The following ADAMTSL1 variants were observed in gnomAD, a reference collection of about 807,000 sequenced individuals.
ADAMTSL1 encodes the protein ADAMTS like 1, also known as ADAMTS-like protein 1.
In ADAMTSL1, 126 loss-of-function variants were observed where a neutral mutation model predicts 201.8. The observed-to-expected ratio is 0.62, with a 90% CI of 0.54 to 0.72. The LOEUF is 0.72. ADAMTSL1 is among the 30% of genes least tolerant of loss of function. The pLI is 0.00. For synonymous variants in ADAMTSL1, 1,121 were observed against 903.4 expected, an observed-to-expected ratio of 1.24 and a Z score of -4.32; for missense variants, 2,679 against 2,277.8, an observed-to-expected ratio of 1.18 and a Z score of -3.59.
At chr9:17,995,308 C>G (rs2131511748) in intron 1 of ADAMTSL1, among the ~76,000 whole-genome samples, 1 of 152,206 alleles carries the variant, frequency 6.6e-6, no homozygotes, top group Non-Finnish European at 1.5e-5. Context: ...AATCATATTT[C>G]TCATGGGGAT....
intron 3 of ADAMTSL1, among the ~76,000 whole-genome samples, chr9:18,550,606 A>G (rs1007464698): frequency 1.3e-5 from 2 of 151,902 alleles, no homozygotes; most frequent in Non-Finnish European, 1.5e-5. Flanking sequence ...TCATCTCCGC[A>G]GCCTCTAAAA....
At chr9:18,213,133 G>C (rs1829937736) in intron 2 of ADAMTSL1, among the ~76,000 whole-genome samples, 1 of 152,134 alleles carries the variant, frequency 6.6e-6, no homozygotes, top group Non-Finnish European at 1.5e-5. Flanking sequence ...TGACTTGAAA[G>C]AAAGAAACTG....
intron 2 of ADAMTSL1, among the ~76,000 whole-genome samples, chr9:18,385,145 A>G (rs17792334): frequency 0.084 from 12,820 of 152,210 alleles, 734 homozygotes; most frequent in Middle Eastern, 0.15. Flanking sequence ...AAATGATGCT[A>G]TTGTGGAGAG....
intron 1 of ADAMTSL1, among the ~76,000 whole-genome samples, chr9:18,114,207 A>G (rs2131891922): frequency 6.6e-6 from 1 of 152,138 alleles, no homozygotes; most frequent in South Asian, 2.1e-4. Context: ...TAGTGACAGC[A>G]CTTTTCATGA....
rs373672023 is a variant in ADAMTSL1 at position 18,228,207 on chromosome 9, G to A, written c.207+64226G>A. On this transcript the variant is annotated intron_variant, in intron 2 of 29. Transcript: ENST00000680146. ...CACTTGCTGTCTGGTGAAAGTGAGA[G>A]GAAAGTCGATCAGCTCTTAAGGCTT... 1.1e-4 allele frequency among the ~76,000 whole-genome samples: 16 copies of A among 152,306 alleles called. No individual in the cohort carries two copies. In the East Asian group the frequency reaches 3.1e-3, roughly 29 times the overall value.
chr9:18,165,710 A>T (rs1827599576), intron 2 of ADAMTSL1, among the ~76,000 whole-genome samples: 1 of 151,968 alleles, frequency 6.6e-6, no homozygotes, highest in Admixed American at 6.6e-5. Context: ...TTTCTCAACT[A>T]CCAGAAGCTA....
At chr9:18,239,858 T>A (rs1830995285) in intron 2 of ADAMTSL1, among the ~76,000 whole-genome samples, 1 of 152,176 alleles carries the variant, frequency 6.6e-6, no homozygotes, top group South Asian at 2.1e-4. Context: ...CAACTCTTTG[T>A]TCATTCAAGT....
chr9:18,171,638 A>G (rs1827894842), intron 2 of ADAMTSL1, among the ~76,000 whole-genome samples: 1 of 152,134 alleles, frequency 6.6e-6, no homozygotes, highest in South Asian at 2.1e-4. Context: ...TTGCCTCTTC[A>G]CTATGATGAT....
chr9:17,974,285 A>G (rs1023892238), intron 1 of ADAMTSL1, among the ~76,000 whole-genome samples: 3 of 152,168 alleles, frequency 2.0e-5, no homozygotes, highest in Admixed American at 1.3e-4. Context: ...GTATTCAATG[A>G]GGAAAAGAGG....
intron 9 of ADAMTSL1, among the ~76,000 whole-genome samples, chr9:18,668,337 A>G (rs1029934893): frequency 3.3e-5 from 5 of 152,300 alleles, no homozygotes; most frequent in South Asian, 4.1e-4. Flanking sequence ...TACCCTTCCC[A>G]TGCTTATAGA....
intron 1 of ADAMTSL1, among the ~76,000 whole-genome samples, chr9:18,125,689 C>T (rs997437197): frequency 1.3e-5 from 2 of 152,166 alleles, no homozygotes; most frequent in African/African-American, 4.8e-5. Context: ...TATTCTTTCC[C>T]CACATTTAAT....
chr9:18,872,308 A>T (rs868074789), intron 23 of ADAMTSL1, among the ~76,000 whole-genome samples: 2 of 152,164 alleles, frequency 1.3e-5, no homozygotes, highest in Middle Eastern at 3.2e-3. Context: ...ACAAGGGAAG[A>T]GGTTGGGATT....
intron 2 of ADAMTSL1, among the ~76,000 whole-genome samples, chr9:18,314,022 G>T (rs192414553): frequency 4.6e-5 from 7 of 152,066 alleles, no homozygotes; most frequent in African/African-American, 1.7e-4. Context: ...ATGGGCAAAG[G>T]ACTTGAATAA....
intron 1 of ADAMTSL1, among the ~76,000 whole-genome samples, chr9:18,002,611 A>G (rs1314061063): frequency 2.0e-5 from 3 of 152,042 alleles, no homozygotes; most frequent in Non-Finnish European, 2.9e-5. Flanking sequence ...AAGCTCTGCC[A>G]TTTATCAGCT....
At chr9:18,099,301 T>C (rs2131840398) in intron 1 of ADAMTSL1, among the ~76,000 whole-genome samples, 1 of 136,178 alleles carries the variant, frequency 7.3e-6, no homozygotes, top group East Asian at 2.1e-4. Flanking sequence ...AGTCACTGGC[T>C]GTTTTTGCTT....
intron 3 of ADAMTSL1, among the ~76,000 whole-genome samples, chr9:18,546,368 CG>C (rs1266681623): frequency 1.3e-5 from 2 of 151,938 alleles, no homozygotes; most frequent in Non-Finnish European, 2.9e-5. Flanking sequence ...CTGGGGTGCA[CG>C]GGTACAATCA....
chr9:18,287,980 G>T (rs1833086417), intron 2 of ADAMTSL1, among the ~76,000 whole-genome samples: 1 of 152,118 alleles, frequency 6.6e-6, no homozygotes, highest in Non-Finnish European at 1.5e-5. Context: ...TCCTTCTAAA[G>T]TGTATTGAGA....
chr9:18,495,483 T>C (rs9650689), intron 1 of ADAMTSL1, among the ~76,000 whole-genome samples: 21 of 152,280 alleles, frequency 1.4e-4, no homozygotes, highest in Non-Finnish European at 2.1e-4. Context: ...ACCTCCTAGA[T>C]AGCTAAGAGA....
chr9:18,667,763 T>C (rs1451075538), intron 9 of ADAMTSL1, among the ~76,000 whole-genome samples: 1 of 152,136 alleles, frequency 6.6e-6, no homozygotes, highest in Admixed American at 6.6e-5. Flanking sequence ...TTCTCATCCA[T>C]GAAAGGAAAA....
Sources: allele counts gnomAD v4.1 joint callset (sites outside exome capture counted in the v4.1 genomes callset), GRCh38; gene constraint gnomAD v4.1.1; transcripts MANE v1.5; gene names NCBI Gene and HGNC (gene_info 2026-07-23, HGNC 2026-07-21).